The following SBNO2 variants were observed in gnomAD, a reference collection of about 807,000 sequenced individuals.
The protein encoded by SBNO2 is strawberry notch homolog 2.
Under a neutral mutation model 146.3 loss-of-function variants are expected in SBNO2, and 89 were observed. The ratio of observed to expected loss-of-function variants is 0.61; its 90% CI spans 0.51 to 0.73. The LOEUF (loss-of-function observed/expected upper bound fraction) is 0.73. SBNO2 is among the 30% of genes least tolerant of loss of function. SBNO2 has a pLI of 0.00. For missense variants in SBNO2, 2,092 were observed against 2,003.7 expected, an observed-to-expected ratio of 1.04 and a Z score of -0.84; for synonymous variants, 1,147 against 892.6, an observed-to-expected ratio of 1.29 and a Z score of -5.08.
chr19:1,124,218 C>G, intron 5 of SBNO2, 196 bp from the exon 6 acceptor site: 1 of 619,170 alleles, frequency 1.6e-6, no homozygotes, highest in Non-Finnish European at 2.9e-6. Flanking sequence ...CCCCAGTGGG[C>G]ACCTCCCTGG....
chr19:1,127,528 C>T (rs1230913202), intron 5 of SBNO2, 76 bp downstream of exon 5: 3 of 1,413,130 alleles, frequency 2.1e-6, no homozygotes, highest in Non-Finnish European at 3.0e-6. Context: ...TGAGACCTCA[C>T]TGGACCGTGT....
chr19:1,116,170 A>C, intron 16 of SBNO2, 67 bp from the exon 17 acceptor site: 1 of 1,450,948 alleles, frequency 6.9e-7, no homozygotes, highest in South Asian at 1.3e-5. Context: ...GCTCTCCAGG[A>C]GCTGGACGCA....
In SBNO2 at chr19:1,112,390, G is replaced by A; in HGVS notation, c.2515+12C>T. 2 of 1,595,908 alleles carry A rather than the reference G, an allele frequency of 1.3e-6. No individual in the cohort carries two copies. Among genetic ancestry groups the A allele is most frequent in the Non-Finnish European group, 1.7e-6 (2 of 1,174,828 alleles). On this transcript the variant is annotated intron_variant, in intron 21 of 31. Transcript: ENST00000361757. The surrounding 1 kb of genome is among the most constrained non-coding windows in gnomAD (Gnocchi z 5.9). ...CGGGGCCAGGCAGCGCTGGGGGCGG[G>A]GCCGGACTCACCGAACTGCTGGATG...
At position 1,117,410 on chromosome 19, in the gene SBNO2, T is replaced by C; in HGVS notation, c.1617A>G (p.Ala539=). The C allele has an allele frequency of 1.9e-6, 3 of 1,590,604 alleles. No homozygotes were observed. Among genetic ancestry groups the C allele is most frequent in the Non-Finnish European group, 2.6e-6 (3 of 1,170,054 alleles). Residue 539 remains alanine (A), a synonymous_variant, in exon 15 of 32, where the codon GCA becomes GCG. Transcript: ENST00000361757. ...ACAGATACTTGAAGAAGCGCTGGTG[T>C]GCCGACCAGAACTGGCCCCACAGGG... ...RKSLWGQFWS[A]HQRFFKYLCI... is the part of the protein sequence containing the mutation.
chr19:1,154,049 G>C (rs540055129), intron 2 of SBNO2, 135 bp downstream of exon 2: 3 of 419,374 alleles, frequency 7.2e-6, no homozygotes, highest in Middle Eastern at 6.3e-4. Context: ...GCCGGGCTCC[G>C]GGCCAGGAAG....
At chr19:1,114,488 C>G in intron 17 of SBNO2, 66 bp from the exon 18 acceptor site, 1 of 1,346,312 alleles carries the variant, frequency 7.4e-7, no homozygotes, top group South Asian at 1.4e-5. Context: ...GTGGAGGAGA[C>G]GCAGCAGGAC....
At chr19:1,132,889 G>A (rs947997724) in intron 4 of SBNO2, among the ~76,000 whole-genome samples, 1 of 152,242 alleles carries the variant, frequency 6.6e-6, no homozygotes, top group African/African-American at 2.4e-5. Flanking sequence ...GCAGGAACAA[G>A]TGGTAGCGTC....
intron 3 of SBNO2, among the ~76,000 whole-genome samples, chr19:1,147,935 TC>T (rs1274791607): frequency 1.1e-4 from 16 of 152,054 alleles, no homozygotes; most frequent in African/African-American, 3.9e-4. Context: ...AAGGAGAAGG[TC>T]CTGGGGGCCC....
chr19:1,112,571 TGCAAGGCCCGCCCCAGCGTTGCC>T lies in SBNO2; in HGVS notation c.2380-57_2380-35del. On this transcript the variant is annotated intron_variant, in intron 20 of 31. Transcript: ENST00000361757. The surrounding 1 kb of genome is among the most constrained non-coding windows in gnomAD (Gnocchi z 5.9). ...AAAGAAGGGGCCGGGACACGGTTGG[TGCAAGGCCCGCCCCAGCGTTGCC>T]GCCACCTCCTCACCCACTAGGCCCC... 6.4e-7 allele frequency: 1 copy of T among 1,564,880 alleles called. No individual in the cohort carries two copies. Among genetic ancestry groups the T allele is most frequent in the Non-Finnish European group, 8.6e-7 (1 of 1,161,516 alleles).
At chr19:1,174,040 C>T (rs1204778416) in intron 1 of SBNO2, 132 bp downstream of exon 1, 2 of 150,882 alleles carry the variant, frequency 1.3e-5, no homozygotes, top group African/African-American at 4.9e-5. Flanking sequence ...CCGCGCTCGC[C>T]CCCGCCCCAC....
chr19:1,125,538 T>C (rs148414743), intron 5 of SBNO2, among the ~76,000 whole-genome samples: 4 of 151,804 alleles, frequency 2.6e-5, no homozygotes, highest in Non-Finnish European at 5.9e-5. Context: ...GGCACGATGG[T>C]ACATGCCTGT....
In SBNO2 at chr19:1,136,486, C is replaced by T. The variant is rs926676964; in HGVS notation, c.280-8721G>A. Among the ~76,000 whole-genome samples, 4 of 152,326 alleles carry T rather than the reference C, an allele frequency of 2.6e-5. No individual in the cohort carries two copies. Among genetic ancestry groups the T allele is most frequent in the African/African-American group, 9.6e-5 (4 of 41,580 alleles). Reference sequence around the variant, plus strand: ...CTGTCTGTGGGCGGCTCTGCCGGCCCCTCCTGCACCTGCCCAGGCCCTGGG... The same window carrying T: ...CTGTCTGTGGGCGGCTCTGCCGGCCTCTCCTGCACCTGCCCAGGCCCTGGG... On this transcript the variant is annotated intron_variant, in intron 4 of 31. Coordinates refer to ENST00000361757, the MANE Select transcript of SBNO2 (RefSeq NM_014963.3). The surrounding 1 kb of genome is among the most constrained non-coding windows in gnomAD (Gnocchi z 4.2).
intron 4 of SBNO2, among the ~76,000 whole-genome samples, chr19:1,131,901 G>A (rs924998367): frequency 2.0e-5 from 3 of 152,230 alleles, no homozygotes; most frequent in African/African-American, 4.8e-5. Context: ...GGAACCTTCC[G>A]GCAGATTCCC....
rs936448675 is a variant in SBNO2 at position 1,119,928 on chromosome 19, G to A, written c.1245C>T (p.Arg415=). Residue 415 remains arginine (R), a synonymous_variant, in exon 12 of 32, where the codon CGC becomes CGT. Transcript: ENST00000361757. ...CACCTGTGGCGCTGGCGTAGACCAC[G>A]CGGGCCAGGGGCAGCTTGTTCTGCA... ...LDLQNKLPLA[R]VVYASATGAS... The A allele has an allele frequency of 2.1e-5, 33 of 1,548,484 alleles. No homozygotes were observed. In the East Asian group the frequency reaches 6.1e-4, roughly 29 times the overall value.
chr19:1,141,927 C>T (rs555010491), intron 4 of SBNO2, among the ~76,000 whole-genome samples: 1 of 152,150 alleles, frequency 6.6e-6, no homozygotes, highest in South Asian at 2.1e-4. Flanking sequence ...CCAGTCCTGA[C>T]TCAAACATGA....
intron 7 of SBNO2, among the ~76,000 whole-genome samples, 173 bp from the exon 8 acceptor site, chr19:1,123,218 G>A (rs76389135): frequency 0.022 from 3,289 of 152,136 alleles, 61 homozygotes; most frequent in Non-Finnish European, 0.033. Flanking sequence ...CCTGGGTGGA[G>A]GAGTGGTCAG....
At chr19:1,147,881 G>A (rs879499840) in intron 3 of SBNO2, among the ~76,000 whole-genome samples, 7 of 152,158 alleles carry the variant, frequency 4.6e-5, no homozygotes, top group South Asian at 2.1e-4. Context: ...GGCTCAGGTC[G>A]GAACCCCCCG....
chr19:1,114,413 C>A lies in SBNO2; in HGVS notation c.1895G>T (p.Arg632Leu). The A allele has an allele frequency of 2.0e-6, 3 of 1,531,100 alleles. No individual in the cohort carries two copies. Among genetic ancestry groups the A allele is most frequent in the South Asian group, 1.2e-5 (1 of 81,280 alleles). The allele number at this position is 1,531,100 out of a possible 1,614,324, so 94.8% of individuals were successfully genotyped here. Reference sequence around the variant, plus strand: ...CCGGGGGGCTTTGGCCCCGCGTCCCCGAGGTCGCCCTGCAGGGAAGGACAG... The same window carrying A: ...CCGGGGGGCTTTGGCCCCGCGTCCCAGAGGTCGCCCTGCAGGGAAGGACAG... The part of the protein sequence containing the change: ...GAGSKRKRRP[R>L]GRGAKAPRLA... Residue 632 changes from arginine to leucine, a missense_variant, in exon 18 of 32, where the codon CGG becomes CTG. Arg to Leu is a moderately radical substitution (Grantham distance 102). Transcript: ENST00000361757.
chr19:1,165,309 G>T (rs916906774), intron 1 of SBNO2, among the ~76,000 whole-genome samples: 1 of 152,192 alleles, frequency 6.6e-6, no homozygotes, highest in Non-Finnish European at 1.5e-5. Flanking sequence ...CTGGGGAGGG[G>T]CCTTGGTGCT....
Sources: gnomAD v4.1 joint callset for allele counts (sites outside exome capture counted in the v4.1 genomes callset) on GRCh38, gnomAD v4.1.1 for gene constraint, Gnocchi (gnomAD v3.1) non-coding constraint, MANE v1.5 for transcripts, NCBI Gene and HGNC (gene_info 2026-07-23, HGNC 2026-07-21) for gene names.